Variants in RIMS2 observed in about 807,000 individuals in gnomAD.
RIMS2 encodes regulating synaptic membrane exocytosis 2, also known as regulating synaptic membrane exocytosis protein 2.
A neutral mutation model predicts 174.4 loss-of-function variants in RIMS2; 59 were observed. The ratio of observed to expected loss-of-function variants is 0.34; its 90% CI spans 0.27 to 0.42. RIMS2 has a LOEUF of 0.42. RIMS2 is among the 10% of genes least tolerant of loss of function. The pLI is 1.00. For missense variants in RIMS2, 1,620 were observed against 1,666.3 expected (o/e 0.97, Z 0.48); for synonymous variants, 606 against 572.5 (o/e 1.06, Z -0.84).
chr8:104,228,280 G>C (rs761910947), intron 19 of RIMS2, among the ~76,000 whole-genome samples: 3 of 151,776 alleles, frequency 2.0e-5, no homozygotes, highest in Non-Finnish European at 4.4e-5. Flanking sequence ...AGCCCGCCTC[G>C]ACCTCCCAAA....
chr8:103,623,735 C>T (rs970036022), intron 1 of RIMS2, among the ~76,000 whole-genome samples: 6 of 151,632 alleles, frequency 4.0e-5, no homozygotes, highest in African/African-American at 4.8e-5. Context: ...GTGATCCGCC[C>T]GCTTCGGCCT....
At chr8:103,992,618 G>A (rs904998486) in intron 17 of RIMS2, among the ~76,000 whole-genome samples, 2 of 152,050 alleles carry the variant, frequency 1.3e-5, no homozygotes, top group African/African-American at 4.8e-5. Context: ...GGTGGTGTAA[G>A]GAGAAGATAT....
chr8:103,529,430 C>T (rs570048107), intron 1 of RIMS2, among the ~76,000 whole-genome samples: 8 of 152,284 alleles, frequency 5.3e-5, no homozygotes, highest in East Asian at 3.9e-4. Context: ...CCGAGCCATG[C>T]GCGGGATATA....
intron 19 of RIMS2, among the ~76,000 whole-genome samples, chr8:104,040,291 T>C (rs2096586893): frequency 1.3e-5 from 2 of 151,722 alleles, no homozygotes; most frequent in Admixed American, 1.3e-4. Context: ...TTGTAGTATC[T>C]GATTCAAAGC....
chr8:103,788,135 C>G (rs1320143602), intron 3 of RIMS2, among the ~76,000 whole-genome samples: 4 of 150,512 alleles, frequency 2.7e-5, no homozygotes, highest in Non-Finnish European at 5.9e-5. Context: ...CCCCTTTAAG[C>G]ACTTCTCTGT....
At position 103,723,700 on chromosome 8, in the gene RIMS2, C is replaced by G. The variant is rs139197750; in HGVS notation, c.387+26404C>G. 4.2e-3 allele frequency among the ~76,000 whole-genome samples: 646 copies of G among 152,288 alleles called. 4 individuals are homozygous for G. Among genetic ancestry groups the G allele is most frequent in the African/African-American group, 0.015 (614 of 41,566 alleles). ...GGAGCTACCAGGTCCAACCTGGAGT[C>G]TGAGGCTGTGGGCGCTAGCCTGGTG... On this transcript the variant is annotated intron_variant, in intron 2 of 23. Coordinates refer to ENST00000504942, the Ensembl canonical transcript of RIMS2.
At chr8:103,827,904 A>T (rs1254375327) in intron 3 of RIMS2, among the ~76,000 whole-genome samples, 1 of 152,114 alleles carries the variant, frequency 6.6e-6, no homozygotes, top group Non-Finnish European at 1.5e-5. Context: ...CCATCTCAAA[A>T]AAAAAAAGGT....
At chr8:103,905,220 CT>C (rs563446853) in intron 4 of RIMS2, among the ~76,000 whole-genome samples, 101 of 151,984 alleles carry the variant, frequency 6.6e-4, no homozygotes, top group African/African-American at 2.1e-3. Flanking sequence ...CAGATTCCTT[CT>C]TTTTTTGTTT....
intron 1 of RIMS2, among the ~76,000 whole-genome samples, chr8:103,602,114 T>C (rs1265632105): frequency 1.3e-5 from 2 of 152,118 alleles, no homozygotes; most frequent in African/African-American, 4.8e-5. Flanking sequence ...GCCTCCTGAG[T>C]AGCTGGGACT....
intron 2 of RIMS2, among the ~76,000 whole-genome samples, chr8:103,715,479 C>T (rs2097357028): frequency 6.6e-6 from 1 of 152,108 alleles, no homozygotes; most frequent in African/African-American, 2.4e-5. Flanking sequence ...TGTACTATCA[C>T]CCATATTTCA....
rs1246598843 is a variant in RIMS2, at chr8:104,041,318, G to A, written c.3334+26703G>A. ...TCTATGTCTGTCCATTACACGATGT[G>A]ATCACAGAAGAACTGGACTCTACAA... On this transcript the variant is annotated intron_variant, in intron 19 of 23. Transcript: ENST00000504942. The A allele has an allele frequency of 1.4e-6, 1 of 697,192 alleles. No individual in the cohort carries two copies. The highest frequency in any genetic ancestry group is 2.0e-5 in the Admixed American group (1 of 50,596). 43.2% of individuals were successfully genotyped at this position (697,192 alleles called of 1,614,324 possible).
At chr8:103,634,019 C>T (rs1371117630) in intron 1 of RIMS2, among the ~76,000 whole-genome samples, 1 of 152,162 alleles carries the variant, frequency 6.6e-6, no homozygotes. Flanking sequence ...TGATTTCCCT[C>T]AATTCAGCTC....
At chr8:104,151,508 A>G (rs1197044306) in intron 19 of RIMS2, among the ~76,000 whole-genome samples, 1 of 152,074 alleles carries the variant, frequency 6.6e-6, no homozygotes, top group Non-Finnish European at 1.5e-5. Context: ...GACAGAGGTT[A>G]CAGTGAGCCG....
At chr8:103,951,079 A>G (rs1171922947) in intron 14 of RIMS2, among the ~76,000 whole-genome samples, 1 of 152,250 alleles carries the variant, frequency 6.6e-6, no homozygotes, top group Admixed American at 6.5e-5. Context: ...ACAAATCAAT[A>G]AATGTGATTC....
chr8:104,091,735 T>C (rs191850131), intron 19 of RIMS2, among the ~76,000 whole-genome samples: 1 of 151,512 alleles, frequency 6.6e-6, no homozygotes, highest in Non-Finnish European at 1.5e-5. Context: ...GCTTTCAACA[T>C]TGTCATTTAA....
chr8:104,251,226 C>A (rs1047900433), intron 23 of RIMS2, 63 bp downstream of exon 29: 3 of 1,330,828 alleles, frequency 2.3e-6, no homozygotes, highest in South Asian at 1.4e-5. Flanking sequence ...AGACATTATA[C>A]CCCAAATCTT....
At chr8:103,561,964 T>C (rs2132005694) in intron 1 of RIMS2, among the ~76,000 whole-genome samples, 1 of 152,314 alleles carries the variant, frequency 6.6e-6, no homozygotes. Context: ...AACTTGCTCT[T>C]ATAAAATCAT....
At chr8:103,954,049 G>A (rs935818978) in intron 14 of RIMS2, among the ~76,000 whole-genome samples, 1 of 152,132 alleles carries the variant, frequency 6.6e-6, no homozygotes, top group African/African-American at 2.4e-5. Flanking sequence ...AACAAGAAGA[G>A]CTAACTATTC....
At chr8:103,667,096 C>G (rs1192764953) in intron 1 of RIMS2, among the ~76,000 whole-genome samples, 2 of 152,112 alleles carry the variant, frequency 1.3e-5, no homozygotes, top group Non-Finnish European at 2.9e-5. Flanking sequence ...ACCAAACCAG[C>G]TAAAATCAAA....
Sources: gnomAD v4.1 joint callset for allele counts (sites outside exome capture counted in the v4.1 genomes callset) on GRCh38, gnomAD v4.1.1 for gene constraint, MANE v1.5 for transcripts, NCBI Gene and HGNC (gene_info 2026-07-23, HGNC 2026-07-21) for gene names.